Variants in TRIM8 observed in about 807,000 individuals in gnomAD.
TRIM8 encodes the protein tripartite motif containing 8.
In TRIM8, 9 loss-of-function variants were observed where a neutral mutation model predicts 55.7. The observed-to-expected ratio is 0.16, with a 90% CI of 0.10 to 0.28. The LOEUF (loss-of-function observed/expected upper bound fraction) is 0.28. Among genes scored for constraint, TRIM8 ranks in the 10% least tolerant of loss-of-function variants. The probability of loss-of-function intolerance (pLI) is 1.00; values close to 1 mark genes in which losing one functional copy is unlikely to be tolerated. For missense variants in TRIM8, 556 were observed against 736.4 expected (o/e 0.76, Z 2.83); for synonymous variants, 335 against 333.3 (o/e 1.01, Z -0.06).
At position 102,644,534 on chromosome 10, in the gene TRIM8, T is replaced by C; in HGVS notation, c.-84T>C. The stretch of plus-strand genomic sequence containing the variant: ...GCCGGCTGGGGCCGGAGCTCGGGGC[T>C]CGGTGGGCCTACAGCGGCTCCGGAC... On this transcript the variant is annotated 5_prime_UTR_variant, in exon 1 of 6. Transcript: ENST00000643721. 1 of 1,345,670 alleles carries C rather than the reference T, an allele frequency of 7.4e-7. No homozygotes were observed. Among genetic ancestry groups the C allele is most frequent in the Non-Finnish European group, 1.0e-6 (1 of 996,866 alleles). The allele number at this position is 1,345,670 out of a possible 1,614,324, so 83.4% of individuals were successfully genotyped here. A position where few individuals can be genotyped will look rare whatever the true frequency, so the allele number is the denominator to read the frequency against.
At position 102,657,049 on chromosome 10, in the gene TRIM8, G is replaced by T; in HGVS notation, c.1351G>T (p.Ala451Ser). The T allele has an allele frequency of 6.2e-7, 1 of 1,613,022 alleles. No individual in the cohort carries two copies. Residue 451 changes from alanine (A) to serine (S), a missense_variant, in exon 6 of 6, where the codon GCC (alanine) becomes TCC (serine). This residue lies in a region of TRIM8 where 391 missense variants were observed against 441.0 expected (regional missense o/e 0.89). Coordinates refer to ENST00000643721, the MANE Select transcript of TRIM8 (RefSeq NM_030912.3). ...CCCATCGCAGTATCCCAATGGCTCCGCCGCCCAGCAGCCCATGCTCCCCCA... is the reference window on the plus strand; with the variant it reads ...CCCATCGCAGTATCCCAATGGCTCCTCCGCCCAGCAGCCCATGCTCCCCCA... The part of the protein sequence containing the change: ...FPPSQYPNGS[A>S]AQQPMLPQYG...
intron 3 of TRIM8, among the ~76,000 whole-genome samples, 167 bp downstream of exon 3, chr10:102,655,480 A>G (rs1490564014): frequency 1.3e-5 from 2 of 152,240 alleles, no homozygotes; most frequent in Non-Finnish European, 2.9e-5. Flanking sequence ...TGGGCAAGTC[A>G]TAGGTACATC....
intron 1 of TRIM8, among the ~76,000 whole-genome samples, chr10:102,653,050 C>T (rs968283864): frequency 2.6e-5 from 4 of 152,306 alleles, no homozygotes; most frequent in East Asian, 3.9e-4. Flanking sequence ...CCGCCTGCCT[C>T]GGCCTCCCAA....
At chr10:102,649,558 T>G (rs962722516) in intron 1 of TRIM8, among the ~76,000 whole-genome samples, 1 of 152,218 alleles carries the variant, frequency 6.6e-6, no homozygotes, top group African/African-American at 2.4e-5. Flanking sequence ...TGGCCTGGCA[T>G]TCAAAGCCAG....
In TRIM8 at chr10:102,657,185, C is replaced by T; in HGVS notation, c.1487C>T (p.Thr496Ile). 1.2e-6 allele frequency: 2 copies of T among 1,613,952 alleles called. No homozygotes were observed. Among genetic ancestry groups the T allele is most frequent in the Non-Finnish European group, 1.7e-6 (2 of 1,179,954 alleles). Residue 496 changes from threonine to isoleucine, a missense_variant, in exon 6 of 6, where the codon ACA becomes ATA. Around this residue, in one of 2 missense-constraint regions of TRIM8, gnomAD observed 391 missense variants for 441.0 expected, o/e 0.89. Transcript: ENST00000643721. ...CCCCGCTCCGGCCACTTTCCCTGGA[C>T]AGTGCCCTCGCAGGAGTACTCACAC... ...PYPRSGHFPW[T>I]VPSQEYSHPL...
rs202043793 is a variant in TRIM8, at chr10:102,656,709, G to T, written c.1049-38G>T. On this transcript the variant is annotated intron_variant, in intron 5 of 5. Coordinates refer to ENST00000643721, the MANE Select transcript of TRIM8 (RefSeq NM_030912.3). This position sits in a 1 kb window ranked among gnomAD's most constrained non-coding sequence, Gnocchi z 4.6. ...GGAGAGGAGGCCTGGGTTGCTTGGG[G>T]TGGGAGCTTTGGCGACTTTTGCCCC... The T allele has an allele frequency of 2.7e-6, 4 of 1,506,910 alleles. No homozygotes were observed. The African/African-American group carries it at 4.2e-5, about 16-fold the overall frequency. 93.3% of individuals were successfully genotyped at this position (1,506,910 alleles called of 1,614,324 possible).
intron 1 of TRIM8, among the ~76,000 whole-genome samples, chr10:102,649,866 T>A: frequency 6.6e-6 from 1 of 151,918 alleles, no homozygotes; most frequent in East Asian, 1.9e-4. Context: ...GGGAGAGTGC[T>A]ATGAGCGCAG....
At chr10:102,652,804 C>CTTTT (rs11455358) in intron 1 of TRIM8, among the ~76,000 whole-genome samples, 1 of 144,112 alleles carries the variant, frequency 6.9e-6, no homozygotes, top group Admixed American at 6.9e-5. Flanking sequence ...CGATACTTAA[C>CTTTT]TTTTTTTTTT....
Position 102,656,453 on chromosome 10 carries a change from C to T in TRIM8, c.1048+68C>T. ...GGGAGGGGTTCAGCGCCACAGCCTT[C>T]CCTCCAAGAGGCAGTGTGGCCCAGT... On this transcript the variant is annotated intron_variant, in intron 5 of 5. Coordinates refer to ENST00000643721, the MANE Select transcript of TRIM8 (RefSeq NM_030912.3). This position sits in a 1 kb window ranked among gnomAD's most constrained non-coding sequence, Gnocchi z 4.6. 4 of 1,550,346 alleles carry T rather than the reference C, an allele frequency of 2.6e-6. No individual in the cohort carries two copies. The highest frequency in any genetic ancestry group is 1.2e-5 in the South Asian group (1 of 84,688).
At chr10:102,645,273 G>T in intron 1 of TRIM8, 86 bp downstream of exon 1, 2 of 1,356,560 alleles carry the variant, frequency 1.5e-6, no homozygotes, top group Non-Finnish European at 1.9e-6. Context: ...CACCCATCCC[G>T]ACAGGCTGAC....
chr10:102,651,426 A>AG (rs2063983937), intron 1 of TRIM8, among the ~76,000 whole-genome samples: 1 of 152,128 alleles, frequency 6.6e-6, no homozygotes, highest in Non-Finnish European at 1.5e-5. Flanking sequence ...GATGGGGCAA[A>AG]GGGGCACCCA....
intron 1 of TRIM8, among the ~76,000 whole-genome samples, chr10:102,650,781 G>A (rs2063978193): frequency 6.6e-6 from 1 of 152,206 alleles, no homozygotes; most frequent in East Asian, 1.9e-4. Flanking sequence ...CATTCCCTGG[G>A]GAGGCAGGTG....
intron 1 of TRIM8, among the ~76,000 whole-genome samples, chr10:102,646,674 C>A (rs902895563): frequency 1.3e-5 from 2 of 152,154 alleles, no homozygotes; most frequent in Admixed American, 1.3e-4. Flanking sequence ...TGTCCTCCAT[C>A]CCCGTTCAGG....
intron 3 of TRIM8, among the ~76,000 whole-genome samples, chr10:102,655,896 T>TA (rs1475039255): frequency 6.6e-6 from 1 of 152,160 alleles, no homozygotes; most frequent in Non-Finnish European, 1.5e-5. Context: ...AGAAAGCACT[T>TA]ACAATGCCTG....
At chr10:102,649,578 G>A (rs1216997174) in intron 1 of TRIM8, among the ~76,000 whole-genome samples, 2 of 152,222 alleles carry the variant, frequency 1.3e-5, no homozygotes, top group Admixed American at 1.3e-4. Context: ...GACAAAGGGG[G>A]GCTTTCTCTC....
intron 1 of TRIM8, chr10:102,645,408 G>A (rs959575452): frequency 4.0e-6 from 2 of 505,934 alleles, no homozygotes; most frequent in Non-Finnish European, 6.9e-6. Flanking sequence ...CACAGGGTCC[G>A]TCTTCTGAGT....
At chr10:102,647,441 G>A (rs546645842) in intron 1 of TRIM8, among the ~76,000 whole-genome samples, 95 of 152,330 alleles carry the variant, frequency 6.2e-4, no homozygotes, top group African/African-American at 2.2e-3. Flanking sequence ...AGGCCACTGG[G>A]GTTGGAAACC....
chr10:102,655,514 G>A (rs2064016951), intron 3 of TRIM8, among the ~76,000 whole-genome samples: 1 of 152,208 alleles, frequency 6.6e-6, no homozygotes, highest in Non-Finnish European at 1.5e-5. Flanking sequence ...CCTCACCTAC[G>A]AAGTGGTGTT....
chr10:102,644,539 G>C lies in TRIM8; in HGVS notation c.-79G>C. 1 of 1,386,826 alleles carries C rather than the reference G, an allele frequency of 7.2e-7. No homozygotes were observed. Among genetic ancestry groups the C allele is most frequent in the Non-Finnish European group, 9.7e-7 (1 of 1,026,294 alleles). The allele number at this position is 1,386,826 out of a possible 1,614,324, so 85.9% of individuals were successfully genotyped here. Reference sequence around the variant, plus strand: ...CTGGGGCCGGAGCTCGGGGCTCGGTGGGCCTACAGCGGCTCCGGACGGACC... The same window carrying C: ...CTGGGGCCGGAGCTCGGGGCTCGGTCGGCCTACAGCGGCTCCGGACGGACC... On this transcript the variant is annotated 5_prime_UTR_variant, in exon 1 of 6. Transcript: ENST00000643721.
Sources: allele counts gnomAD v4.1 joint callset (sites outside exome capture counted in the v4.1 genomes callset), GRCh38; gene constraint gnomAD v4.1.1; regional missense constraint gnomAD v4.1.1; non-coding constraint Gnocchi (gnomAD v3.1); transcripts MANE v1.5; gene names NCBI Gene and HGNC (gene_info 2026-07-23, HGNC 2026-07-21).